ZC3H12B: variants seen among roughly 807,000 people sequenced by gnomAD.
ZC3H12B encodes the protein probable ribonuclease ZC3H12B.
Under a neutral mutation model 43.9 loss-of-function variants are expected in ZC3H12B, and 7 were observed. That is an observed-to-expected ratio of 0.16 (90% CI 0.09 to 0.30). ZC3H12B has a LOEUF of 0.30. ZC3H12B is among the 10% of genes least tolerant of loss of function. The pLI is 1.00. For missense variants in ZC3H12B, 475 were observed against 670.2 expected (o/e 0.71, Z 3.22); for synonymous variants, 222 against 241.7 (o/e 0.92, Z 0.76).
chrX:65,470,852 GGACTT>G (rs1450414627), intron 3 of ZC3H12B, among the ~76,000 whole-genome samples: 1 of 111,840 alleles, frequency 8.9e-6, no homozygotes, highest in Non-Finnish European at 1.9e-5. Flanking sequence ...GATTCCTTTT[GGACTT>G]GACTTCTAGT....
At chrX:65,053,362 G>GT in the ZC3H12B span, among the ~76,000 whole-genome samples, 1 of 110,072 alleles carries the variant, frequency 9.1e-6, no homozygotes, top group Middle Eastern at 4.3e-3. Context: ...GCGGTGTTTG[G>GT]TTTTTTTTCC....
chrX:65,412,500 C>A (rs2066915403), intron 3 of ZC3H12B, among the ~76,000 whole-genome samples: 1 of 111,569 alleles, frequency 9.0e-6, no homozygotes, highest in African/African-American at 3.3e-5. Context: ...GTTTCACTCG[C>A]CCTGTTCCCC....
intron 1 of ZC3H12B, among the ~76,000 whole-genome samples, chrX:65,368,008 C>T (rs931562305): frequency 2.7e-5 from 3 of 111,799 alleles, no homozygotes; most frequent in African/African-American, 9.8e-5. Flanking sequence ...CCATACTTTG[C>T]TTCTGGACCA....
the ZC3H12B span, among the ~76,000 whole-genome samples, chrX:65,093,740 T>C: frequency 8.9e-6 from 1 of 112,140 alleles, no homozygotes; most frequent in Admixed American, 9.4e-5. Context: ...CTAATTTGCT[T>C]TTGATTTTAC....
At chrX:65,326,057 A>C in the ZC3H12B span, among the ~76,000 whole-genome samples, 2 of 111,847 alleles carry the variant, frequency 1.8e-5, no homozygotes, top group East Asian at 5.6e-4. Context: ...TTAACTCAAA[A>C]TAAAGACTTA....
intron 3 of ZC3H12B, among the ~76,000 whole-genome samples, chrX:65,433,668 G>T (rs957309891): frequency 1.2e-4 from 13 of 111,893 alleles, no homozygotes; most frequent in Non-Finnish European, 2.3e-4. Flanking sequence ...TCTAGTAGTC[G>T]CTGGAAAGTC....
At chrX:65,482,573 A>C (rs979964867) in intron 3 of ZC3H12B, among the ~76,000 whole-genome samples, 1 of 112,197 alleles carries the variant, frequency 8.9e-6, no homozygotes, top group African/African-American at 3.2e-5. Context: ...CTTTATATAG[A>C]GAGAAGAAAA....
chrX:65,099,531 G>A, the ZC3H12B span, among the ~76,000 whole-genome samples: 1 of 111,821 alleles, frequency 8.9e-6, no homozygotes, highest in Non-Finnish European at 1.9e-5. Context: ...AGAGGAAGGA[G>A]TAGGCAGCAG....
the ZC3H12B span, among the ~76,000 whole-genome samples, chrX:65,219,510 G>T: frequency 5.4e-5 from 6 of 111,169 alleles, no homozygotes; most frequent in Non-Finnish European, 7.5e-5. Context: ...ATTGTGAAAT[G>T]CACTGTAAAG....
chrX:65,206,728 C>G, the ZC3H12B span, among the ~76,000 whole-genome samples: 1 of 111,160 alleles, frequency 9.0e-6, no homozygotes, highest in South Asian at 3.7e-4. Flanking sequence ...ACAGACAACC[C>G]GCAGAGTGGG....
At chrX:65,504,227 T>A (rs1258776114) in exon 5 of ZC3H12B, 1 of 112,210 alleles carries the variant, frequency 8.9e-6, no homozygotes, top group Non-Finnish European at 1.9e-5. Flanking sequence ...TATCTCTGTA[T>A]AACCTTTTAT....
the ZC3H12B span, among the ~76,000 whole-genome samples, chrX:65,232,328 C>G: frequency 1.8e-5 from 2 of 111,548 alleles, no homozygotes; most frequent in East Asian, 5.6e-4. Flanking sequence ...GCCATGAAAT[C>G]TTAACAATTT....
At chrX:65,058,774 G>T in the ZC3H12B span, among the ~76,000 whole-genome samples, 20 of 111,992 alleles carry the variant, frequency 1.8e-4, no homozygotes, top group Admixed American at 6.6e-4. Context: ...CCTCAGCAGT[G>T]GCGGCCGCTC....
the ZC3H12B span, among the ~76,000 whole-genome samples, chrX:65,158,580 G>A: frequency 8.9e-6 from 1 of 111,959 alleles, no homozygotes; most frequent in Non-Finnish European, 1.9e-5. Flanking sequence ...CTTTTGAGAA[G>A]TGTCTGTTCG....
At chrX:65,216,243 T>A in the ZC3H12B span, among the ~76,000 whole-genome samples, 2 of 111,611 alleles carry the variant, frequency 1.8e-5, no homozygotes, top group African/African-American at 6.5e-5. Context: ...GAAGGACAGT[T>A]TTACATTGAC....
At chrX:65,435,702 A>G (rs868830742) in intron 3 of ZC3H12B, among the ~76,000 whole-genome samples, 1 of 110,072 alleles carries the variant, frequency 9.1e-6, no homozygotes, top group African/African-American at 3.3e-5. Context: ...AGATAGATAG[A>G]CAGTCAGATA....
At chrX:65,190,736 A>G in the ZC3H12B span, among the ~76,000 whole-genome samples, 5 of 107,655 alleles carry the variant, frequency 4.6e-5, no homozygotes, top group Admixed American at 2.0e-4. Flanking sequence ...CAATCATGTC[A>G]TCTGCAAACA....
the ZC3H12B span, among the ~76,000 whole-genome samples, chrX:65,254,466 C>A: frequency 8.9e-6 from 1 of 112,345 alleles, no homozygotes; most frequent in South Asian, 3.6e-4. Context: ...CTGATAAACA[C>A]TTCCAGAAAC....
chrX:65,134,305 C>G, the ZC3H12B span, among the ~76,000 whole-genome samples: 2 of 110,977 alleles, frequency 1.8e-5, no homozygotes, highest in Non-Finnish European at 3.8e-5. Flanking sequence ...AGGCAGCTAT[C>G]CCCTCAGTGA....
Sources: allele counts gnomAD v4.1 joint callset (sites outside exome capture counted in the v4.1 genomes callset), GRCh38; gene constraint gnomAD v4.1.1; transcripts MANE v1.5; gene names NCBI Gene and HGNC (gene_info 2026-07-23, HGNC 2026-07-21).